Variants in LAIR1 observed in about 807,000 individuals in gnomAD.
The protein encoded by LAIR1 is leukocyte associated immunoglobulin like receptor 1, also known as leukocyte-associated immunoglobulin-like receptor 1.
Under a neutral mutation model 32.8 loss-of-function variants are expected in LAIR1, and 24 were observed. That is an observed-to-expected ratio of 0.73 (90% CI 0.53 to 1.03). The LOEUF (loss-of-function observed/expected upper bound fraction) is 1.03, where lower values mean the gene tolerates loss of function less well. Among genes scored for constraint, LAIR1 ranks in the 50% least tolerant of loss-of-function variants. The pLI is 0.00. For synonymous variants in LAIR1, 150 were observed against 140.5 expected, an observed-to-expected ratio of 1.07 and a Z score of -0.48; for missense variants, 355 against 347.5, an observed-to-expected ratio of 1.02 and a Z score of -0.17.
In LAIR1 at chr19:54,352,778, A is replaced by G. The variant is rs2081555935; in HGVS notation, c.*2490T>C. On this transcript the variant is annotated 3_prime_UTR_variant, in exon 10 of 10. Coordinates refer to ENST00000391742, the MANE Select transcript of LAIR1 (RefSeq NM_002287.6). Reference sequence around the variant, plus strand: ...GTTCATGTACCCACCTGTCAACCTCATAGTCAAACAAACAAGACGTTATGG... The same window carrying G: ...GTTCATGTACCCACCTGTCAACCTCGTAGTCAAACAAACAAGACGTTATGG... The G allele has an allele frequency of 6.5e-6, 1 of 153,104 alleles. No individual in the cohort carries two copies. Among genetic ancestry groups the G allele is most frequent in the Non-Finnish European group, 1.5e-5 (1 of 68,066 alleles). The allele number at this position is 153,104 out of a possible 1,614,324, so 9.5% of individuals were successfully genotyped here. A position where few individuals can be genotyped will look rare whatever the true frequency, so the allele number is the denominator to read the frequency against.
At chr19:54,375,072 A>G (rs867340815), upstream of LAIR1, among the ~76,000 whole-genome samples, 4 of 152,206 alleles carry the variant, frequency 2.6e-5, no homozygotes, top group South Asian at 4.1e-4. Flanking sequence ...TACGTCGCTC[A>G]AAATCTGCAC....
chr19:54,358,178 A>AT (rs971398628), intron 4 of LAIR1: 7 of 143,530 alleles, frequency 4.9e-5, no homozygotes, highest in Non-Finnish European at 1.0e-4. Flanking sequence ...AATATAAAAT[A>AT]TTTTTTCTAT....
At position 54,354,651 on chromosome 19, in the gene LAIR1, A is replaced by G. The variant is rs1021937609; in HGVS notation, c.*617T>C. The stretch of plus-strand genomic sequence containing the variant: ...GTGGGTCCGAGAGACCTATGCACCC[A>G]GGACCAGGCCTGGGGCTGCCAGATG... On this transcript the variant is annotated 3_prime_UTR_variant, in exon 10 of 10. Coordinates refer to ENST00000391742, the MANE Select transcript of LAIR1 (RefSeq NM_002287.6). The G allele has an allele frequency of 3.3e-5, 5 of 152,258 alleles. No homozygotes were observed. Among genetic ancestry groups the G allele is most frequent in the Admixed American group, 2.0e-4 (3 of 15,280 alleles). The allele number at this position is 152,258 out of a possible 1,614,324, so 9.4% of individuals were successfully genotyped here. A position where few individuals can be genotyped will look rare whatever the true frequency, so the allele number is the denominator to read the frequency against.
At position 54,356,925 on chromosome 19, in the gene LAIR1, C is replaced by T. The variant is rs980865501; in HGVS notation, c.454+3G>A. On this transcript the variant is annotated splice_donor_region_variant and intron_variant, in intron 5 of 9. Coordinates refer to ENST00000391742, the MANE Select transcript of LAIR1 (RefSeq NM_002287.6). Reference sequence around the variant, plus strand: ...TTCATGCTCCACGGCCCCCATCACTCACGCTCATTGTGACTGTTGTCCGAC... The same window carrying T: ...TTCATGCTCCACGGCCCCCATCACTTACGCTCATTGTGACTGTTGTCCGAC... 6.2e-7 allele frequency: 1 copy of T among 1,613,978 alleles called. No individual in the cohort carries two copies. Among genetic ancestry groups the T allele is most frequent in the Non-Finnish European group, 8.5e-7 (1 of 1,179,948 alleles).
chr19:54,357,058 C>T (rs1043251292), intron 4 of LAIR1, 92 bp from the exon 5 acceptor site: 306 of 1,219,628 alleles, frequency 2.5e-4, no homozygotes, highest in East Asian at 2.0e-4. Flanking sequence ...TGGGGATCTC[C>T]CTTCACTCCC....
chr19:54,372,350 C>T (rs151000818), upstream of LAIR1, among the ~76,000 whole-genome samples: 169 of 151,428 alleles, frequency 1.1e-3, 6 homozygotes, highest in African/African-American at 3.2e-3. Context: ...GTCGTGGTAA[C>T]TTGGTTCCTA....
At chr19:54,366,470 A>G (rs1300962558), upstream of LAIR1, among the ~76,000 whole-genome samples, 1 of 152,148 alleles carries the variant, frequency 6.6e-6, no homozygotes, top group Non-Finnish European at 1.5e-5. Flanking sequence ...ATACCACGCC[A>G]GGGTGTCTGG....
chr19:54,355,198 A>G lies in LAIR1; in HGVS notation c.*70T>C, dbSNP rs1429102660. 2.1e-6 allele frequency: 3 copies of G among 1,416,088 alleles called. No homozygotes were observed. The highest frequency in any genetic ancestry group is 1.5e-5 in the African/African-American group (1 of 68,240). 87.7% of individuals were successfully genotyped at this position (1,416,088 alleles called of 1,614,324 possible). On this transcript the variant is annotated 3_prime_UTR_variant, in exon 10 of 10. Transcript: ENST00000391742. The surrounding 1 kb of genome is among the most constrained non-coding windows in gnomAD (Gnocchi z 4.7). ...AGAGGAATCCAACAGGAAGCCTTCCAAATGGCTGCTTCAGGCTTTTCCTAG... is the reference window on the plus strand; with the variant it reads ...AGAGGAATCCAACAGGAAGCCTTCCGAATGGCTGCTTCAGGCTTTTCCTAG...
rs117085540 is a variant in LAIR1, at chr19:54,355,462, A to G, written c.718-48T>C. 1 allele frequency: 1,528,206 copies of G among 1,533,568 alleles called. 761,558 individuals carry two copies. The highest frequency in any genetic ancestry group is 1 in the African/African-American group (72,626 of 72,636). 95.0% of individuals were successfully genotyped at this position (1,533,568 alleles called of 1,614,324 possible). On this transcript the variant is annotated intron_variant, in intron 9 of 9. Transcript: ENST00000391742. This position sits in a 1 kb window ranked among gnomAD's most constrained non-coding sequence, Gnocchi z 4.7. Reference sequence around the variant, plus strand: ...GAGGGAGTGCCTGGTGGAGGGTGAGACGAGGGGCTGTGGGGAGGGAGGGCT... The same window carrying G: ...GAGGGAGTGCCTGGTGGAGGGTGAGGCGAGGGGCTGTGGGGAGGGAGGGCT...
chr19:54,374,875 G>A (rs899688725), upstream of LAIR1, among the ~76,000 whole-genome samples: 5 of 151,498 alleles, frequency 3.3e-5, no homozygotes, highest in African/African-American at 1.2e-4. Context: ...CCAGCCCTTC[G>A]GTACCCAGCA....
chr19:54,366,449 A>T (rs992858805), upstream of LAIR1, among the ~76,000 whole-genome samples: 3 of 152,166 alleles, frequency 2.0e-5, no homozygotes, highest in Non-Finnish European at 4.4e-5. Flanking sequence ...CATTCTGTCC[A>T]TGCCCTAGAG....
At chr19:54,370,900 T>C (rs2082389256), upstream of LAIR1, among the ~76,000 whole-genome samples, 2 of 150,722 alleles carry the variant, frequency 1.3e-5, no homozygotes, top group African/African-American at 5.0e-5. Context: ...GTCAAAGCCA[T>C]GCTGTGAGTA....
upstream of LAIR1, among the ~76,000 whole-genome samples, chr19:54,371,783 T>C (rs1199280480): frequency 2.6e-5 from 4 of 151,634 alleles, no homozygotes; most frequent in African/African-American, 9.8e-5. Flanking sequence ...CGTTTCTCCA[T>C]TTCCACTGGG....
chr19:54,364,873 A>G lies in LAIR1; in HGVS notation c.-69T>C. ...GCAAGGACAGAACTCTGCAGCAGACACAAGCAGACAGGATGTGCTGCCCGG... is the reference window on the plus strand; with the variant it reads ...GCAAGGACAGAACTCTGCAGCAGACGCAAGCAGACAGGATGTGCTGCCCGG... On this transcript the variant is annotated 5_prime_UTR_variant, in exon 1 of 10. Transcript: ENST00000391742. The surrounding 1 kb of genome is among the most constrained non-coding windows in gnomAD (Gnocchi z 4.8). 6.2e-7 allele frequency: 1 copy of G among 1,613,780 alleles called. No individual in the cohort carries two copies. The highest frequency in any genetic ancestry group is 1.6e-4 in the Middle Eastern group (1 of 6,062).
At chr19:54,358,497 G>T (rs1187582729) in intron 4 of LAIR1, 2 of 1,558,622 alleles carry the variant, frequency 1.3e-6, no homozygotes. Flanking sequence ...GTATATGCAT[G>T]TATGGGAATC....
Position 54,356,542 on chromosome 19 carries a change from G to GGAC in LAIR1, c.531_532insGTC (p.Cys177_Leu178insVal). 1 of 1,614,004 alleles carries GGAC rather than the reference G, an allele frequency of 6.2e-7. No individual in the cohort carries two copies. The highest frequency in any genetic ancestry group is 8.5e-7 in the Non-Finnish European group (1 of 1,179,990). On this transcript the variant is annotated inframe_insertion, in exon 6 of 10. Coordinates refer to ENST00000391742, the MANE Select transcript of LAIR1 (RefSeq NM_002287.6). Reference sequence around the variant, plus strand: ...AGGCAGAAGAGGACCAGGAGGAGGAGACAGAAGAGGAAGACCACTGAGACC... The same window carrying GGAC: ...AGGCAGAAGAGGACCAGGAGGAGGAGGACACAGAAGAGGAAGACCACTGAGACC...
intron 7 of LAIR1, 30 bp from the exon 8 acceptor site, chr19:54,356,297 G>C: frequency 6.2e-7 from 1 of 1,610,808 alleles, no homozygotes; most frequent in Admixed American, 1.7e-5. Context: ...TGAACCTCAG[G>C]GGCAGCCTGG....
exon 1 of LAIR1, chr19:54,370,538 G>A: frequency 2.6e-6 from 1 of 390,966 alleles, no homozygotes; most frequent in Non-Finnish European, 4.6e-6. Flanking sequence ...TCATAGATGT[G>A]AAAAAGCTTC....
chr19:54,355,765 C>A lies in LAIR1; in HGVS notation c.717+189G>T, dbSNP rs189639309. Among the ~76,000 whole-genome samples, 663 of 152,264 alleles carry A rather than the reference C, an allele frequency of 4.4e-3. 5 individuals carry two copies. The highest frequency in any genetic ancestry group is 7.5e-3 in the South Asian group (36 of 4,824). On this transcript the variant is annotated intron_variant, in intron 9 of 9. Coordinates refer to ENST00000391742, the MANE Select transcript of LAIR1 (RefSeq NM_002287.6). This position sits in a 1 kb window ranked among gnomAD's most constrained non-coding sequence, Gnocchi z 4.7. ...CAGCCGGGGAAGTGAGCGTCTTGGA[C>A]GTGGATCCTCCAGCCCACGGGAGCC...
Sources: gnomAD v4.1 joint callset for allele counts (sites outside exome capture counted in the v4.1 genomes callset) on GRCh38, gnomAD v4.1.1 for gene constraint, Gnocchi (gnomAD v3.1) non-coding constraint, MANE v1.5 for transcripts, NCBI Gene and HGNC (gene_info 2026-07-23, HGNC 2026-07-21) for gene names.